KMT2C: variants seen among roughly 807,000 people sequenced by gnomAD.
KMT2C encodes the protein lysine methyltransferase 2C, also known as histone-lysine N-methyltransferase 2C.
In KMT2C, 88 loss-of-function variants were observed where a neutral mutation model predicts 507.9. The ratio of observed to expected loss-of-function variants is 0.17; its 90% CI spans 0.15 to 0.21. The LOEUF (loss-of-function observed/expected upper bound fraction) is 0.21. KMT2C is among the 10% of genes least tolerant of loss of function. The pLI is 1.00. For synonymous variants in KMT2C, 2,049 were observed against 2,080.8 expected, an observed-to-expected ratio of 0.98 and a Z score of 0.42; for missense variants, 4,954 against 5,957.8, an observed-to-expected ratio of 0.83 and a Z score of 5.55.
intron 4 of KMT2C, among the ~76,000 whole-genome samples, chr7:152,313,481 T>C (rs772359182): frequency 6.6e-6 from 1 of 152,036 alleles, no homozygotes; most frequent in Non-Finnish European, 1.5e-5. Flanking sequence ...GCAGCCCAGC[T>C]TAGAAAGAGA....
At chr7:152,280,756 T>C (rs950252083) in intron 6 of KMT2C, among the ~76,000 whole-genome samples, 2 of 152,216 alleles carry the variant, frequency 1.3e-5, no homozygotes, top group Non-Finnish European at 2.9e-5. Flanking sequence ...ATTAAGTTTA[T>C]GGTAATTGCT....
rs2129092425 is a variant in KMT2C at position 152,144,454 on chromosome 7, C to T, written c.14343+259G>A. Among the ~76,000 whole-genome samples the T allele has an allele frequency of 6.6e-6, 1 of 152,328 alleles. No individual in the cohort carries two copies. The highest frequency in any genetic ancestry group is 1.9e-4 in the East Asian group (1 of 5,184). ...TGTGTGCAAATTACAATGCTACCTG[C>T]CTCCCAGGAGCTCTCAACAAGATGC... On this transcript the variant is annotated intron_variant, in intron 55 of 58. Transcript: ENST00000262189. The surrounding 1 kb of genome is among the most constrained non-coding windows in gnomAD (Gnocchi z 4.4).
At chr7:152,388,746 T>TA (rs1564083568) in intron 1 of KMT2C, among the ~76,000 whole-genome samples, 2 of 151,648 alleles carry the variant, frequency 1.3e-5, no homozygotes, top group Non-Finnish European at 2.9e-5. Context: ...GGGGACTACT[T>TA]AGACTTTTTT....
chr7:152,233,790 T>C (rs1166752477), intron 16 of KMT2C, among the ~76,000 whole-genome samples: 2 of 152,184 alleles, frequency 1.3e-5, no homozygotes, highest in African/African-American at 4.8e-5. Flanking sequence ...TGCAAATTTA[T>C]GCAAGGAGAG....
chr7:152,264,054 G>T (rs980421683), intron 8 of KMT2C, among the ~76,000 whole-genome samples: 1 of 152,062 alleles, frequency 6.6e-6, no homozygotes, highest in African/African-American at 2.4e-5. Flanking sequence ...TCAGCTACGT[G>T]GAAAGATCTT....
intron 1 of KMT2C, chr7:152,368,293 G>A: frequency 8.6e-7 from 1 of 1,168,366 alleles, no homozygotes; most frequent in Non-Finnish European, 1.3e-6. Flanking sequence ...CAGAAAACTG[G>A]CAGCTGTGAC....
At chr7:152,313,288 G>C (rs1029894949) in intron 4 of KMT2C, among the ~76,000 whole-genome samples, 1 of 151,818 alleles carries the variant, frequency 6.6e-6, no homozygotes, top group Non-Finnish European at 1.5e-5. Flanking sequence ...TGTTGTTTTA[G>C]CATACTGTTT....
At position 152,215,688 on chromosome 7, in the gene KMT2C, T is replaced by TATATATATATAC. The variant is rs766518165; in HGVS notation, c.3712+4834_3712+4835insGTATATATATAT. Among the ~76,000 whole-genome samples, 11 of 134,496 alleles carry TATATATATATAC rather than the reference T, an allele frequency of 8.2e-5. 1 individual carries two copies. The highest frequency in any genetic ancestry group is 3.7e-4 in the African/African-American group (11 of 29,668). 88.2% of individuals were successfully genotyped at this position (134,496 alleles called of 152,430 possible). On this transcript the variant is annotated intron_variant, in intron 23 of 58. Transcript: ENST00000262189. ...ACAAAAGGAACAAAATATATATATA[T>TATATATATATAC]ACACACACACATACACACACAAAAT...
intron 21 of KMT2C, 100 bp from the exon 22 acceptor site, chr7:152,222,166 T>C (rs1392843933): frequency 1.3e-6 from 1 of 769,766 alleles, no homozygotes; most frequent in Non-Finnish European, 2.0e-6. Flanking sequence ...ATACTCATTT[T>C]ATTAAAATAA....
chr7:152,309,958 C>T lies in KMT2C; in HGVS notation c.849+8G>A, dbSNP rs762935206. On this transcript the variant is annotated splice_region_variant and intron_variant, in intron 6 of 58. Transcript: ENST00000262189. Reference sequence around the variant, plus strand: ...ACTATGATTTAAATATTTGCTTTGTCTACTTACTTCTGTGCTCCCTGAGAC... The same window carrying T: ...ACTATGATTTAAATATTTGCTTTGTTTACTTACTTCTGTGCTCCCTGAGAC... The T allele has an allele frequency of 7.2e-6, 11 of 1,521,630 alleles. No homozygotes were observed. The highest frequency in any genetic ancestry group is 9.1e-6 in the Non-Finnish European group (10 of 1,098,958). The allele number at this position is 1,521,630 out of a possible 1,614,324, so 94.3% of individuals were successfully genotyped here. A position where few individuals can be genotyped will look rare whatever the true frequency, so the allele number is the denominator to read the frequency against.
intron 18 of KMT2C, among the ~76,000 whole-genome samples, chr7:152,226,871 T>C (rs1282101009): frequency 2.0e-5 from 3 of 152,186 alleles, no homozygotes; most frequent in Non-Finnish European, 4.4e-5. Flanking sequence ...ACACAGGAAA[T>C]GGGCCAGATT....
intron 11 of KMT2C, 71 bp from the exon 12 acceptor site, chr7:152,251,037 G>T: frequency 1.2e-6 from 1 of 837,400 alleles, no homozygotes; most frequent in South Asian, 1.5e-5. Flanking sequence ...CAACAATTAT[G>T]ATTTTGTATG....
chr7:152,168,141 C>T (rs1013315366), intron 41 of KMT2C, among the ~76,000 whole-genome samples: 1 of 151,348 alleles, frequency 6.6e-6, no homozygotes, highest in Non-Finnish European at 1.5e-5. Flanking sequence ...GATACCCAGT[C>T]CAAGGGGAAA....
In KMT2C at chr7:152,435,836, TCCCGCCGCCGCGGCCGCCGCC is replaced by T. The variant is rs2097912591; in HGVS notation, c.-71_-51del. The T allele has an allele frequency of 1.0e-6, 1 of 994,690 alleles. No homozygotes were observed. The highest frequency in any genetic ancestry group is 1.9e-5 in the African/African-American group (1 of 52,772). 61.6% of individuals were successfully genotyped at this position (994,690 alleles called of 1,614,324 possible). On this transcript the variant is annotated 5_prime_UTR_variant, in exon 1 of 59. Transcript: ENST00000262189. ...GATCCCGGTCCTCCTCCTGGGGGGC[TCCCGCCGCCGCGGCCGCCGCC>T]GCCGCCGCTGCTGCTCGGGTTCCTC...
At chr7:152,205,045 G>C (rs2129137146) in intron 25 of KMT2C, 61 bp downstream of exon 25, 1 of 1,069,382 alleles carries the variant, frequency 9.4e-7, no homozygotes. Flanking sequence ...TTTTCCAATA[G>C]AAATATCAAG....
chr7:152,275,898 T>TA (rs2096071565), intron 6 of KMT2C, among the ~76,000 whole-genome samples: 1 of 152,216 alleles, frequency 6.6e-6, no homozygotes, highest in South Asian at 2.1e-4. Context: ...CCTTTTACAC[T>TA]AAAAATAATC....
intron 15 of KMT2C, among the ~76,000 whole-genome samples, chr7:152,237,051 G>GC (rs1446878738): frequency 6.6e-6 from 1 of 152,068 alleles, no homozygotes; most frequent in Non-Finnish European, 1.5e-5. Context: ...GGTGTTCCCT[G>GC]CCCCCTCACC....
chr7:152,295,524 C>G (rs2096483247), intron 6 of KMT2C, among the ~76,000 whole-genome samples: 1 of 152,218 alleles, frequency 6.6e-6, no homozygotes. Context: ...CTCCAAGCAC[C>G]ACCTTAAATC....
At chr7:152,304,362 T>G (rs1052620146) in intron 6 of KMT2C, among the ~76,000 whole-genome samples, 1 of 152,210 alleles carries the variant, frequency 6.6e-6, no homozygotes, top group African/African-American at 2.4e-5. Context: ...AAATATTGAA[T>G]GTTTAATAAA....
Sources: gnomAD v4.1 joint callset for allele counts (sites outside exome capture counted in the v4.1 genomes callset) on GRCh38, gnomAD v4.1.1 for gene constraint, Gnocchi (gnomAD v3.1) non-coding constraint, MANE v1.5 for transcripts, NCBI Gene and HGNC (gene_info 2026-07-23, HGNC 2026-07-21) for gene names.